PHACTR1: variants seen among roughly 807,000 people sequenced by gnomAD.
PHACTR1 encodes the protein RPEL repeat containing 1.
Under a neutral mutation model 69.2 loss-of-function variants are expected in PHACTR1, and 16 were observed. That is an observed-to-expected ratio of 0.23 (90% confidence interval 0.16 to 0.35). The LOEUF (loss-of-function observed/expected upper bound fraction) is 0.35. PHACTR1 is among the 10% of genes least tolerant of loss of function. The probability of loss-of-function intolerance (pLI) is 1.00; values close to 1 mark genes in which losing one functional copy is unlikely to be tolerated. For synonymous variants in PHACTR1, 312 were observed against 284.5 expected, an observed-to-expected ratio of 1.10 and a Z score of -0.97; for missense variants, 510 against 734.7, an observed-to-expected ratio of 0.69 and a Z score of 3.54.
chr6:13,235,299 C>G (rs1170157880), intron 10 of PHACTR1, among the ~76,000 whole-genome samples: 5 of 152,224 alleles, frequency 3.3e-5, no homozygotes, highest in Non-Finnish European at 7.3e-5. Flanking sequence ...ACTATGGGAT[C>G]TTAGCCATCA....
chr6:12,736,501 T>A (rs997556421), intron 3 of PHACTR1, among the ~76,000 whole-genome samples: 2 of 152,164 alleles, frequency 1.3e-5, no homozygotes, highest in African/African-American at 4.8e-5. Flanking sequence ...ACCCTTAATA[T>A]CAATACTGTC....
chr6:12,981,612 G>A (rs974456710), intron 4 of PHACTR1, among the ~76,000 whole-genome samples: 1 of 152,156 alleles, frequency 6.6e-6, no homozygotes, highest in African/African-American at 2.4e-5. Context: ...TAAGAGGTTA[G>A]GAGTTCTCCC....
chr6:12,829,115 G>T (rs979517897), intron 4 of PHACTR1, among the ~76,000 whole-genome samples: 12 of 152,084 alleles, frequency 7.9e-5, no homozygotes, highest in African/African-American at 2.7e-4. Flanking sequence ...GGCAAATAAT[G>T]AAACCAAAAC....
intron 4 of PHACTR1, among the ~76,000 whole-genome samples, chr6:12,766,482 G>A (rs1351317139): frequency 6.6e-6 from 1 of 152,178 alleles, no homozygotes; most frequent in Admixed American, 6.5e-5. Flanking sequence ...AGTTCCAGGG[G>A]TATGTTGGGC....
At chr6:13,081,903 C>T (rs1022793375) in intron 5 of PHACTR1, among the ~76,000 whole-genome samples, 18 of 152,148 alleles carry the variant, frequency 1.2e-4, no homozygotes, top group African/African-American at 4.1e-4. Context: ...ACTTCATTTA[C>T]GAGAATTTAG....
chr6:13,125,671 G>C (rs1041714159), intron 5 of PHACTR1, among the ~76,000 whole-genome samples: 2 of 152,180 alleles, frequency 1.3e-5, no homozygotes, highest in Admixed American at 1.3e-4. Context: ...GCTCATGCCT[G>C]TAATCCTAGC....
chr6:12,886,057 T>C (rs1235205711), intron 4 of PHACTR1, among the ~76,000 whole-genome samples: 6 of 152,010 alleles, frequency 3.9e-5, no homozygotes, highest in Admixed American at 3.9e-4. Context: ...ATCACACCAT[T>C]CCACTCCAGC....
chr6:13,170,197 C>T (rs1407003353), intron 6 of PHACTR1, among the ~76,000 whole-genome samples: 10 of 152,174 alleles, frequency 6.6e-5, no homozygotes, highest in Admixed American at 6.5e-5. Context: ...AAAGGTTTTT[C>T]AGGATTACCC....
chr6:12,804,566 G>A (rs1368308456), intron 4 of PHACTR1, among the ~76,000 whole-genome samples: 4 of 152,118 alleles, frequency 2.6e-5, no homozygotes, highest in East Asian at 1.9e-4. Flanking sequence ...AGTGGCTCAC[G>A]CCTGTAACCC....
intron 4 of PHACTR1, among the ~76,000 whole-genome samples, chr6:12,868,814 C>G (rs1381260037): frequency 1.1e-4 from 17 of 152,044 alleles, no homozygotes; most frequent in Admixed American, 7.2e-4. Flanking sequence ...GGCATTCTAT[C>G]ATTTAGAACA....
intron 4 of PHACTR1, among the ~76,000 whole-genome samples, chr6:12,764,709 T>A (rs1768406010): frequency 6.6e-6 from 1 of 152,164 alleles, no homozygotes; most frequent in African/African-American, 2.4e-5. Flanking sequence ...CAGGAGCAGA[T>A]GAAAATAGTG....
intron 5 of PHACTR1, among the ~76,000 whole-genome samples, chr6:13,085,402 T>G (rs370024651): frequency 6.6e-6 from 1 of 152,122 alleles, no homozygotes; most frequent in Non-Finnish European, 1.5e-5. Flanking sequence ...TAGAAAAGTT[T>G]AGAAGGTCAT....
At chr6:12,759,190 A>G (rs1000876722) in intron 4 of PHACTR1, among the ~76,000 whole-genome samples, 1 of 151,302 alleles carries the variant, frequency 6.6e-6, no homozygotes, top group African/African-American at 2.4e-5. Flanking sequence ...ATGGCACCCC[A>G]CATAACACAC....
chr6:13,182,401 G>T, intron 6 of PHACTR1, 118 bp from the exon 7 acceptor site: 1 of 1,140,420 alleles, frequency 8.8e-7, no homozygotes, highest in Non-Finnish European at 1.3e-6. Context: ...AACAGATGTT[G>T]GTTTCAGAGG....
intron 4 of PHACTR1, among the ~76,000 whole-genome samples, chr6:12,982,297 C>T (rs6916268): frequency 0.5 from 75,457 of 152,138 alleles, 21,183 homozygotes; most frequent in African/African-American, 0.77. Context: ...AAGCAACTTT[C>T]TCCGGCTACT....
chr6:13,180,935 T>G (rs1163031995), intron 6 of PHACTR1, among the ~76,000 whole-genome samples: 14 of 152,050 alleles, frequency 9.2e-5, no homozygotes, highest in Non-Finnish European at 1.8e-4. Context: ...ATCATATTAT[T>G]GATCCCAATT....
chr6:13,017,518 A>C (rs1246552853), intron 4 of PHACTR1, among the ~76,000 whole-genome samples: 1 of 152,152 alleles, frequency 6.6e-6, no homozygotes, highest in African/African-American at 2.4e-5. Context: ...GGTAGATTAG[A>C]AGTTATGGAC....
At chr6:13,268,067 G>A (rs1205670389) in intron 10 of PHACTR1, among the ~76,000 whole-genome samples, 1 of 152,126 alleles carries the variant, frequency 6.6e-6, no homozygotes, top group Non-Finnish European at 1.5e-5. Flanking sequence ...AGGAGTTTGA[G>A]ACTAGCCTGG....
intron 6 of PHACTR1, among the ~76,000 whole-genome samples, chr6:13,177,141 C>G (rs1293301185): frequency 3.1e-5 from 4 of 128,902 alleles, no homozygotes; most frequent in Non-Finnish European, 6.2e-5. Flanking sequence ...AGTTCAAGAC[C>G]AGCCTTGGCA....
Sources: allele counts gnomAD v4.1 joint callset (sites outside exome capture counted in the v4.1 genomes callset), GRCh38; gene constraint gnomAD v4.1.1; transcripts MANE v1.5; gene names NCBI Gene and HGNC (gene_info 2026-07-23, HGNC 2026-07-21).